ADAT2: variants seen among roughly 807,000 people sequenced by gnomAD.
ADAT2 encodes tRNA-specific adenosine-34 deaminase catalytic subunit ADAT2.
ADAT2 carries 26 observed loss-of-function variants against 25.9 expected under a neutral mutation model. That is an observed-to-expected ratio of 1.00 (90% CI 0.74 to 1.39). ADAT2 has a LOEUF of 1.39. Ranked by LOEUF, ADAT2 falls within the 40% of genes most tolerant of loss-of-function variation. The probability of loss-of-function intolerance (pLI) is 0.00; values close to 1 mark genes in which losing one functional copy is unlikely to be tolerated. For missense variants in ADAT2, 220 were observed against 244.8 expected, an observed-to-expected ratio of 0.90 and a Z score of 0.68; for synonymous variants, 76 against 86.8, an observed-to-expected ratio of 0.88 and a Z score of 0.69.
In ADAT2 at chr6:143,428,537, T is replaced by C. The variant is rs1176424684; in HGVS notation, c.533-31A>G. The C allele has an allele frequency of 8.1e-6, 13 of 1,613,164 alleles. No individual in the cohort carries two copies. The Admixed American group carries it at 2.2e-4, about 27-fold the overall frequency. On this transcript the variant is annotated intron_variant, in intron 5 of 5. Transcript: ENST00000237283. The surrounding 1 kb of genome is among the most constrained non-coding windows in gnomAD (Gnocchi z 5.0). The stretch of plus-strand genomic sequence containing the variant: ...AAAAGAATAGAAAAGAAAAAGAAAA[T>C]GAAGAGGTAAGCTCATAGCAGATTC...
In ADAT2 at chr6:143,444,236, G is replaced by A. The variant is rs924953643; in HGVS notation, c.97-5542C>T. Among the ~76,000 whole-genome samples, 3 of 152,022 alleles carry A rather than the reference G, an allele frequency of 2.0e-5. No homozygotes were observed. The highest frequency in any genetic ancestry group is 7.3e-5 in the African/African-American group (3 of 41,372). ...CTTCCACTGCTGTCCGAAACAGAGA[G>A]CAAATATGAGCGATCGGAATATTTT... On this transcript the variant is annotated intron_variant, in intron 1 of 5. Coordinates refer to ENST00000237283, the MANE Select transcript of ADAT2 (RefSeq NM_182503.3). The surrounding 1 kb of genome is among the most constrained non-coding windows in gnomAD (Gnocchi z 4.3).
In ADAT2 at chr6:143,444,923, C is replaced by T. The variant is rs1293374378; in HGVS notation, c.96+5640G>A. 4.6e-6 allele frequency: 6 copies of T among 1,302,270 alleles called. No individual in the cohort carries two copies. Among genetic ancestry groups the T allele is most frequent in the Non-Finnish European group, 4.0e-6 (4 of 987,986 alleles). The allele number at this position is 1,302,270 out of a possible 1,614,324, so 80.7% of individuals were successfully genotyped here. A position where few individuals can be genotyped will look rare whatever the true frequency, so the allele number is the denominator to read the frequency against. On this transcript the variant is annotated intron_variant, in intron 1 of 5. Coordinates refer to ENST00000237283, the MANE Select transcript of ADAT2 (RefSeq NM_182503.3). The surrounding 1 kb of genome is among the most constrained non-coding windows in gnomAD (Gnocchi z 4.3). Reference sequence around the variant, plus strand: ...ATGATAAAAGGGGGAGAGATGGAAACAGACCTTGTTTGCACACAGTTTGAT... The same window carrying T: ...ATGATAAAAGGGGGAGAGATGGAAATAGACCTTGTTTGCACACAGTTTGAT...
Position 143,448,504 on chromosome 6 carries a change from C to CA in ADAT2, c.96+2058dup, listed in dbSNP as rs922587473. Among the ~76,000 whole-genome samples the CA allele has an allele frequency of 6.7e-5, 10 of 150,194 alleles. No individual in the cohort carries two copies. In the East Asian group the frequency reaches 9.8e-4, roughly 15 times the overall value. ...AAAACTGTAATATACATGTTACATA[C>CA]AAAAAAAAAGGGTTTTCTAAATTCA... On this transcript the variant is annotated intron_variant, in intron 1 of 5. Coordinates refer to ENST00000237283, the MANE Select transcript of ADAT2 (RefSeq NM_182503.3).
rs9496638 is a variant in ADAT2, at chr6:143,446,420, A to G, written c.96+4143T>C. On this transcript the variant is annotated intron_variant, in intron 1 of 5. Coordinates refer to ENST00000237283, the MANE Select transcript of ADAT2 (RefSeq NM_182503.3). This position sits in a 1 kb window ranked among gnomAD's most constrained non-coding sequence, Gnocchi z 5.0. The stretch of plus-strand genomic sequence containing the variant: ...AAATTCTTCACTATTATAAACAAGT[A>G]AAGAACTTCTCTATATAAATATTTA... Among the ~76,000 whole-genome samples the G allele has an allele frequency of 0.31, 47,358 of 152,048 alleles. 7,703 individuals carry two copies. Among genetic ancestry groups the G allele is most frequent in the Admixed American group, 0.4 (6,082 of 15,278 alleles).
At chr6:143,447,059 G>A (rs181223110) in intron 1 of ADAT2, among the ~76,000 whole-genome samples, 1 of 152,230 alleles carries the variant, frequency 6.6e-6, no homozygotes, top group East Asian at 1.9e-4. Flanking sequence ...AAAAATAATG[G>A]TTTTATTAAA....
intron 2 of ADAT2, among the ~76,000 whole-genome samples, chr6:143,435,951 A>C (rs1779261956): frequency 1.3e-5 from 2 of 152,162 alleles, no homozygotes; most frequent in African/African-American, 4.8e-5. Flanking sequence ...TCTATATGGG[A>C]ATGACTACCC....
Position 143,437,450 on chromosome 6 carries a change from GTC to G in ADAT2, c.201+1138_201+1139del, listed in dbSNP as rs2128741517. ...TATTTTCACTTCCCTTGTAATATTA[GTC>G]TCTCTGTTACTGATTTCTAAGAACT... On this transcript the variant is annotated intron_variant, in intron 2 of 5. Transcript: ENST00000237283. The surrounding 1 kb of genome is among the most constrained non-coding windows in gnomAD (Gnocchi z 4.1). Among the ~76,000 whole-genome samples the G allele has an allele frequency of 6.6e-6, 1 of 152,042 alleles. No homozygotes were observed. Among genetic ancestry groups the G allele is most frequent in the African/African-American group, 2.4e-5 (1 of 41,460 alleles).
chr6:143,445,118 T>G lies in ADAT2; in HGVS notation c.96+5445A>C, dbSNP rs1583990745. On this transcript the variant is annotated intron_variant, in intron 1 of 5. Transcript: ENST00000237283. The stretch of plus-strand genomic sequence containing the variant: ...CTCTCTGAGTAATTAGCAGAAACAG[T>G]TATATAGTTTAACTTTGGGGATTTA... 3 of 240,382 alleles carry G rather than the reference T, an allele frequency of 1.2e-5. No homozygotes were observed. The Middle Eastern group carries it at 1.7e-3, about 137-fold the overall frequency. 14.9% of individuals were successfully genotyped at this position (240,382 alleles called of 1,614,324 possible).
intron 1 of ADAT2, 100 bp from the exon 2 acceptor site, chr6:143,438,794 G>A (rs1472320768): frequency 3.1e-6 from 3 of 962,340 alleles, no homozygotes; most frequent in East Asian, 5.0e-5. Flanking sequence ...CATGTACAAA[G>A]ACTGAAACAA....
rs549497199 is a variant in ADAT2, at chr6:143,440,198, G to C, written c.97-1504C>G. Among the ~76,000 whole-genome samples, 1 of 152,262 alleles carries C rather than the reference G, an allele frequency of 6.6e-6. No homozygotes were observed. The highest frequency in any genetic ancestry group is 1.5e-5 in the Non-Finnish European group (1 of 68,008). On this transcript the variant is annotated intron_variant, in intron 1 of 5. Coordinates refer to ENST00000237283, the MANE Select transcript of ADAT2 (RefSeq NM_182503.3). The surrounding 1 kb of genome is among the most constrained non-coding windows in gnomAD (Gnocchi z 4.5). The stretch of plus-strand genomic sequence containing the variant: ...AGAAAGGCAAGGTATTCCTTACTGT[G>C]GCAGCCCTGAAGAGACTTTGGAAGA...
intron 4 of ADAT2, among the ~76,000 whole-genome samples, chr6:143,430,008 C>A (rs1779058541): frequency 6.6e-6 from 1 of 152,180 alleles, no homozygotes; most frequent in South Asian, 2.1e-4. Flanking sequence ...TCTGCCCTCT[C>A]AGAAATCCCC....
intron 1 of ADAT2, among the ~76,000 whole-genome samples, chr6:143,443,133 A>C (rs1007880386): frequency 2.8e-5 from 4 of 143,458 alleles, no homozygotes; most frequent in African/African-American, 1.1e-4. Context: ...CAGATGAGGA[A>C]ACTGAGGCAC....
At chr6:143,431,963 A>G (rs1233986140) in intron 4 of ADAT2, among the ~76,000 whole-genome samples, 2 of 152,214 alleles carry the variant, frequency 1.3e-5, no homozygotes, top group Non-Finnish European at 2.9e-5. Context: ...AGGAGACTAA[A>G]GACATGGATT....
intron 1 of ADAT2, among the ~76,000 whole-genome samples, chr6:143,443,967 A>G (rs1185527469): frequency 6.6e-6 from 1 of 152,112 alleles, no homozygotes; most frequent in East Asian, 1.9e-4. Flanking sequence ...AAACCTGCAG[A>G]AGAGAATGCA....
At position 143,432,915 on chromosome 6, in the gene ADAT2, G is replaced by T. The variant is rs1038557866; in HGVS notation, c.353-304C>A. ...AAATCACTTTTTCAGAATCATTAGG[G>T]AGTCAGAACCAGAAAGGATGCAGAA... On this transcript the variant is annotated intron_variant, in intron 3 of 5. Transcript: ENST00000237283. This position sits in a 1 kb window ranked among gnomAD's most constrained non-coding sequence, Gnocchi z 4.4. Among the ~76,000 whole-genome samples the T allele has an allele frequency of 1.3e-5, 2 of 152,176 alleles. No individual in the cohort carries two copies. Among genetic ancestry groups the T allele is most frequent in the Non-Finnish European group, 1.5e-5 (1 of 68,038 alleles).
In ADAT2 at chr6:143,423,289, A is replaced by C. The variant is rs1778835456; in HGVS notation, c.*5174T>G. 6.6e-6 allele frequency: 1 copy of C among 152,230 alleles called. No individual in the cohort carries two copies. Among genetic ancestry groups the C allele is most frequent in the South Asian group, 2.1e-4 (1 of 4,836 alleles). 9.4% of individuals were successfully genotyped at this position (152,230 alleles called of 1,614,324 possible). ...CATGGCTGTCATCCAATGTAACTTTATTTATGGACACTGAAATTTGATTGC... is the reference window on the plus strand; with the variant it reads ...CATGGCTGTCATCCAATGTAACTTTCTTTATGGACACTGAAATTTGATTGC... On this transcript the variant is annotated 3_prime_UTR_variant, in exon 6 of 6. Transcript: ENST00000237283.
rs115403311 is a variant in ADAT2, at chr6:143,444,213, T to C, written c.97-5519A>G. Reference sequence around the variant, plus strand: ...CACAGTTTTTTTTCCTGAAATGCCTTCCACTGCTGTCCGAAACAGAGAGCA... The same window carrying C: ...CACAGTTTTTTTTCCTGAAATGCCTCCCACTGCTGTCCGAAACAGAGAGCA... On this transcript the variant is annotated intron_variant, in intron 1 of 5. Coordinates refer to ENST00000237283, the MANE Select transcript of ADAT2 (RefSeq NM_182503.3). This position sits in a 1 kb window ranked among gnomAD's most constrained non-coding sequence, Gnocchi z 4.3. Among the ~76,000 whole-genome samples, 866 of 152,300 alleles carry C rather than the reference T, an allele frequency of 5.7e-3. 6 individuals carry two copies. Among genetic ancestry groups the C allele is most frequent in the African/African-American group, 0.019 (771 of 41,562 alleles).
At position 143,443,150 on chromosome 6, in the gene ADAT2, A is replaced by ATTT. The variant is rs11440192; in HGVS notation, c.97-4459_97-4457dup. Among the ~76,000 whole-genome samples the ATTT allele has an allele frequency of 6.3e-4, 96 of 151,486 alleles. 1 individual carries two copies. Among genetic ancestry groups the ATTT allele is most frequent in the African/African-American group, 1.9e-3 (77 of 41,252 alleles). On this transcript the variant is annotated intron_variant, in intron 1 of 5. Transcript: ENST00000237283. ...GATGAGGAAACTGAGGCACAGGGAG[A>ATTT]TTTTTTTTTATACATGTATATATCT...
chr6:143,442,476 T>TACATACACACACAC lies in ADAT2; in HGVS notation c.97-3783_97-3782insGTGTGTGTGTATGT, dbSNP rs142496434. On this transcript the variant is annotated intron_variant, in intron 1 of 5. Coordinates refer to ENST00000237283, the MANE Select transcript of ADAT2 (RefSeq NM_182503.3). The surrounding 1 kb of genome is among the most constrained non-coding windows in gnomAD (Gnocchi z 4.6). ...CATGACAAAATTGCATAGGCACGCA[T>TACATACACACACAC]ACACACACACACACACACACACACA... 7.0e-6 allele frequency among the ~76,000 whole-genome samples: 1 copy of TACATACACACACAC among 142,144 alleles called. No homozygotes were observed. The highest frequency in any genetic ancestry group is 1.5e-5 in the Non-Finnish European group (1 of 65,370). 93.3% of individuals were successfully genotyped at this position (142,144 alleles called of 152,430 possible). A position where few individuals can be genotyped will look rare whatever the true frequency, so the allele number is the denominator to read the frequency against.
Sources: allele counts gnomAD v4.1 joint callset (sites outside exome capture counted in the v4.1 genomes callset), GRCh38; gene constraint gnomAD v4.1.1; non-coding constraint Gnocchi (gnomAD v3.1); transcripts MANE v1.5; gene names NCBI Gene and HGNC (gene_info 2026-07-23, HGNC 2026-07-21).